The following NAB1 variants were observed in gnomAD, a reference collection of about 807,000 sequenced individuals.
The protein encoded by NAB1 is NGFI-A binding protein 1.
In NAB1, 25 loss-of-function variants were observed where a neutral mutation model predicts 49.9. The observed-to-expected ratio is 0.50, with a 90% confidence interval of 0.37 to 0.70. The LOEUF (loss-of-function observed/expected upper bound fraction) is 0.70. Ranked by LOEUF, NAB1 falls within the 30% of genes least tolerant of loss-of-function variation. The pLI, the probability that NAB1 is intolerant of heterozygous loss-of-function variation, is 0.00. For missense variants in NAB1, 489 were observed against 575.9 expected (o/e 0.85, Z 1.54); for synonymous variants, 198 against 215.6 (o/e 0.92, Z 0.71).
intron 9 of NAB1, among the ~76,000 whole-genome samples, chr2:190,690,029 C>CATATATGTATAGTATACATATATGTATAG (rs1446936027): frequency 4.3e-4 from 6 of 14,026 alleles, no homozygotes; most frequent in African/African-American, 5.5e-4. Flanking sequence ...TATATGTATA[C>CATATATGTATAGTATACATATATGTATAG]TATATGTATA....
intron 4 of NAB1, among the ~76,000 whole-genome samples, chr2:190,664,972 A>G (rs887855628): frequency 1.3e-5 from 2 of 151,984 alleles, no homozygotes; most frequent in Non-Finnish European, 2.9e-5. Flanking sequence ...GTACAGATTT[A>G]TCATCTGGGA....
chr2:190,668,541 A>G (rs1007425497), intron 4 of NAB1, among the ~76,000 whole-genome samples: 4 of 152,176 alleles, frequency 2.6e-5, no homozygotes, highest in African/African-American at 9.7e-5. Flanking sequence ...GCCTTAATAC[A>G]TCGGTAGAAA....
chr2:190,648,973 T>TG (rs1364185619), upstream of NAB1: 2 of 96,684 alleles, frequency 2.1e-5, no homozygotes, highest in African/African-American at 7.6e-5. Flanking sequence ...CAGCGCGGGG[T>TG]GGGGGAGTGG....
chr2:190,690,168 T>G, intron 9 of NAB1, 77 bp from the exon 10 acceptor site: 1 of 1,029,720 alleles, frequency 9.7e-7, no homozygotes, highest in Non-Finnish European at 1.5e-6. Context: ...AGTTTGGGGG[T>G]TTGTTTTAAA....
In NAB1 at chr2:190,677,591, G is replaced by A. The variant is rs1490188100; in HGVS notation, c.1005+4439G>A. On this transcript the variant is annotated intron_variant, in intron 6 of 9. Coordinates refer to ENST00000337386, the MANE Select transcript of NAB1 (RefSeq NM_005966.4). This position sits in a 1 kb window ranked among gnomAD's most constrained non-coding sequence, Gnocchi z 5.6. ...GATCTAATTAAATCTTCTCATTCTGGGGCAATTGTAAAAATCGCTACTTTG... is the reference window on the plus strand; with the variant it reads ...GATCTAATTAAATCTTCTCATTCTGAGGCAATTGTAAAAATCGCTACTTTG... 3 of 152,000 alleles carry A rather than the reference G, an allele frequency of 2.0e-5. No individual in the cohort carries two copies. The highest frequency in any genetic ancestry group is 4.4e-5 in the Non-Finnish European group (3 of 67,964). The allele number at this position is 152,000 out of a possible 1,614,324, so 9.4% of individuals were successfully genotyped here.
At chr2:190,687,116 A>G (rs1163810861) in intron 8 of NAB1, 85 bp from the exon 9 acceptor site, 35 of 674,552 alleles carry the variant, frequency 5.2e-5, no homozygotes, top group Non-Finnish European at 8.1e-5. Flanking sequence ...CTTTTTTCCT[A>G]AGGAGTGTTC....
In NAB1 at chr2:190,675,817, A is replaced by G. The variant is rs1461017130; in HGVS notation, c.1005+2665A>G. On this transcript the variant is annotated intron_variant, in intron 6 of 9. Transcript: ENST00000337386. The surrounding 1 kb of genome is among the most constrained non-coding windows in gnomAD (Gnocchi z 5.2). ...ATTTTGTTCTGTTCCTCTTTCTTAAAAAGCACTTGTGTATTGCAGGTCATC... is the reference window on the plus strand; with the variant it reads ...ATTTTGTTCTGTTCCTCTTTCTTAAGAAGCACTTGTGTATTGCAGGTCATC... Among the ~76,000 whole-genome samples the G allele has an allele frequency of 6.6e-6, 1 of 152,126 alleles. No individual in the cohort carries two copies. Among genetic ancestry groups the G allele is most frequent in the Non-Finnish European group, 1.5e-5 (1 of 68,024 alleles).
rs974975091 is a variant in NAB1 at position 190,666,295 on chromosome 2, G to C, written c.820-4031G>C. On this transcript the variant is annotated intron_variant, in intron 4 of 9. Coordinates refer to ENST00000337386, the MANE Select transcript of NAB1 (RefSeq NM_005966.4). The surrounding 1 kb of genome is among the most constrained non-coding windows in gnomAD (Gnocchi z 5.6). ...TAAAGTCACAATCATTTAATTGTTGGAGATTATAATTTTAACAACCTGTAA... is the reference window on the plus strand; with the variant it reads ...TAAAGTCACAATCATTTAATTGTTGCAGATTATAATTTTAACAACCTGTAA... Among the ~76,000 whole-genome samples the C allele has an allele frequency of 6.6e-6, 1 of 152,144 alleles. No individual in the cohort carries two copies. Among genetic ancestry groups the C allele is most frequent in the East Asian group, 1.9e-4 (1 of 5,200 alleles).
At position 190,678,032 on chromosome 2, in the gene NAB1, T is replaced by C. The variant is rs1695159060; in HGVS notation, c.1005+4880T>C. ...GTAGTAAACAGTTACAAGTTTTGAG[T>C]AGAAAATTTAACAATGTAAATTACA... On this transcript the variant is annotated intron_variant, in intron 6 of 9. Coordinates refer to ENST00000337386, the MANE Select transcript of NAB1 (RefSeq NM_005966.4). The surrounding 1 kb of genome is among the most constrained non-coding windows in gnomAD (Gnocchi z 4.9). 6.6e-6 allele frequency among the ~76,000 whole-genome samples: 1 copy of C among 152,232 alleles called. No individual in the cohort carries two copies. The highest frequency in any genetic ancestry group is 1.5e-5 in the Non-Finnish European group (1 of 68,042).
At chr2:190,672,176 G>A (rs1029437425) in intron 5 of NAB1, among the ~76,000 whole-genome samples, 2 of 151,846 alleles carry the variant, frequency 1.3e-5, no homozygotes, top group Admixed American at 6.6e-5. Context: ...ATTTTTTTAC[G>A]GCTGCATGGT....
chr2:190,657,163 G>A lies in NAB1; in HGVS notation c.-20+1010G>A, dbSNP rs1693966672. ...TAGCAGCCCTTCTATTTGGTATAGT[G>A]TAGTTTAATATAGCTCTAAACTTGG... On this transcript the variant is annotated intron_variant, in intron 3 of 9. Coordinates refer to ENST00000337386, the MANE Select transcript of NAB1 (RefSeq NM_005966.4). The surrounding 1 kb of genome is among the most constrained non-coding windows in gnomAD (Gnocchi z 4.4). Among the ~76,000 whole-genome samples the A allele has an allele frequency of 6.6e-6, 1 of 152,150 alleles. No individual in the cohort carries two copies. The highest frequency in any genetic ancestry group is 2.4e-5 in the African/African-American group (1 of 41,426).
chr2:190,679,396 T>G lies in NAB1; in HGVS notation c.1006-4342T>G, dbSNP rs373133655. On this transcript the variant is annotated intron_variant, in intron 6 of 9. Transcript: ENST00000337386. The surrounding 1 kb of genome is among the most constrained non-coding windows in gnomAD (Gnocchi z 5.3). ...GTTGCAGAGAGATCACTGATTACTT[T>G]GGATAATTGTTATTTATTACTTATT... 2.0e-4 allele frequency among the ~76,000 whole-genome samples: 30 copies of G among 152,262 alleles called. No individual in the cohort carries two copies. The highest frequency in any genetic ancestry group is 7.0e-4 in the African/African-American group (29 of 41,468).
At chr2:190,662,661 G>A (rs1262106593) in intron 4 of NAB1, among the ~76,000 whole-genome samples, 1 of 152,222 alleles carries the variant, frequency 6.6e-6, no homozygotes, top group Non-Finnish European at 1.5e-5. Context: ...GTGAATGGAT[G>A]AGGAGAGAGC....
Position 190,684,961 on chromosome 2 carries a change from A to G in NAB1, c.1096-515A>G, listed in dbSNP as rs1297572481. The stretch of plus-strand genomic sequence containing the variant: ...TATTGGCACTGATGTTTTTCTGCAT[A>G]ATTTACATTGTTTAATTTTAGTGGG... On this transcript the variant is annotated intron_variant, in intron 7 of 9. Transcript: ENST00000337386. The surrounding 1 kb of genome is among the most constrained non-coding windows in gnomAD (Gnocchi z 4.6). Among the ~76,000 whole-genome samples the G allele has an allele frequency of 6.6e-6, 1 of 152,202 alleles. No individual in the cohort carries two copies. The highest frequency in any genetic ancestry group is 2.4e-5 in the African/African-American group (1 of 41,454).
Position 190,669,475 on chromosome 2 carries a change from C to T in NAB1, c.820-851C>T, listed in dbSNP as rs2125711159. 1.3e-5 allele frequency among the ~76,000 whole-genome samples: 2 copies of T among 152,302 alleles called. 1 individual carries two copies. On this transcript the variant is annotated intron_variant, in intron 4 of 9. Coordinates refer to ENST00000337386, the MANE Select transcript of NAB1 (RefSeq NM_005966.4). The surrounding 1 kb of genome is among the most constrained non-coding windows in gnomAD (Gnocchi z 4.3). ...CAAAAGTTTTGCATGTCCAGAGTCA[C>T]AGCTGGTAAATGATGAAGCAGGACT...
Position 190,683,847 on chromosome 2 carries a change from A to G in NAB1, c.1095+20A>G, listed in dbSNP as rs1695476161. 6.4e-7 allele frequency: 1 copy of G among 1,571,058 alleles called. No homozygotes were observed. The highest frequency in any genetic ancestry group is 8.8e-7 in the Non-Finnish European group (1 of 1,142,566). On this transcript the variant is annotated intron_variant, in intron 7 of 9. Transcript: ENST00000337386. ...TCACAGGTAACATAAACTCCCAGTT[A>G]TTACTCCATGATAGTATCTGAAGGT...
In NAB1 at chr2:190,651,658, C is replaced by G. The variant is rs895863817; in HGVS notation, c.-197+1676C>G. On this transcript the variant is annotated intron_variant, in intron 2 of 9. Transcript: ENST00000337386. This position sits in a 1 kb window ranked among gnomAD's most constrained non-coding sequence, Gnocchi z 4.3. The stretch of plus-strand genomic sequence containing the variant: ...TAGCCTCCGAAGTTATGTCAGGTTT[C>G]ATTGGCCTAAGACTTAGGACTCATT... Among the ~76,000 whole-genome samples the G allele has an allele frequency of 6.6e-6, 1 of 152,156 alleles. No homozygotes were observed. The highest frequency in any genetic ancestry group is 2.4e-5 in the African/African-American group (1 of 41,438).
rs1695552763 is a variant in NAB1 at position 190,685,316 on chromosome 2, G to A, written c.1096-160G>A. 2.0e-5 allele frequency among the ~76,000 whole-genome samples: 3 copies of A among 152,168 alleles called. No individual in the cohort carries two copies. Among genetic ancestry groups the A allele is most frequent in the Admixed American group, 1.3e-4 (2 of 15,266 alleles). On this transcript the variant is annotated intron_variant, in intron 7 of 9. Coordinates refer to ENST00000337386, the MANE Select transcript of NAB1 (RefSeq NM_005966.4). This position sits in a 1 kb window ranked among gnomAD's most constrained non-coding sequence, Gnocchi z 4.5. ...TTTTATGTTTTAACATGATGATATA[G>A]ACATCTATGCATATTTATGGAATTT... is the stretch of plus-strand genomic sequence containing the variant.
chr2:190,653,233 G>C (rs1168886887), intron 2 of NAB1, among the ~76,000 whole-genome samples: 1 of 152,172 alleles, frequency 6.6e-6, no homozygotes, highest in East Asian at 1.9e-4. Flanking sequence ...TCTAAGTGTA[G>C]TCTTTCTGTC....
Sources: allele counts gnomAD v4.1 joint callset (sites outside exome capture counted in the v4.1 genomes callset), GRCh38; gene constraint gnomAD v4.1.1; non-coding constraint Gnocchi (gnomAD v3.1); transcripts MANE v1.5; gene names NCBI Gene and HGNC (gene_info 2026-07-23, HGNC 2026-07-21).